The following ARHGAP12 variants were observed in gnomAD, a reference collection of about 807,000 sequenced individuals.
The protein encoded by ARHGAP12 is Rho GTPase activating protein 12.
ARHGAP12 carries 64 observed loss-of-function variants against 108.6 expected under a neutral mutation model. That is an observed-to-expected ratio of 0.59 (90% CI 0.48 to 0.73). ARHGAP12 has a LOEUF of 0.73. Ranked by LOEUF, ARHGAP12 falls within the 30% of genes least tolerant of loss-of-function variation. The pLI is 0.00. For missense variants in ARHGAP12, 940 were observed against 1,005.9 expected (o/e 0.93, Z 0.89); for synonymous variants, 312 against 337.2 (o/e 0.93, Z 0.82).
Position 31,817,844 on chromosome 10 carries a change from T to C in ARHGAP12, c.1675A>G (p.Asn559Asp), listed in dbSNP as rs200249037. The C allele has an allele frequency of 9.3e-6, 15 of 1,612,706 alleles. No homozygotes were observed. The East Asian group carries it at 2.7e-4, about 29-fold the overall frequency. ...AACCAATCATTAATAACAGTGTCAT[T>C]GTCAGACTGAATTAGCAGTTCTGTT... ...QGTELLIQSD[N>D]DTVINDWFKV... Residue 559 changes from asparagine to aspartate, a missense_variant, in exon 13 of 20, where the codon AAT (asparagine) becomes GAT (aspartate). Asn to Asp is a conservative substitution (Grantham distance 23). Transcript: ENST00000344936.
chr10:31,820,885 T>C (rs991341046), intron 11 of ARHGAP12, among the ~76,000 whole-genome samples: 12 of 152,036 alleles, frequency 7.9e-5, no homozygotes, highest in African/African-American at 2.9e-4. Flanking sequence ...GGTAATGCTA[T>C]ATTTGCAAAT....
At chr10:31,890,958 T>A (rs1387647299) in intron 3 of ARHGAP12, among the ~76,000 whole-genome samples, 1 of 152,184 alleles carries the variant, frequency 6.6e-6, no homozygotes, top group African/African-American at 2.4e-5. Context: ...TTTGTAAATA[T>A]ATGTATATAT....
chr10:31,913,838 GT>G (rs1839451845), intron 1 of ARHGAP12: 1 of 150,174 alleles, frequency 6.7e-6, no homozygotes, highest in Non-Finnish European at 1.5e-5. Context: ...TTTTCAAACT[GT>G]ACAGTGTCTT....
At chr10:31,902,905 G>C (rs1838987597) in intron 3 of ARHGAP12, among the ~76,000 whole-genome samples, 1 of 152,074 alleles carries the variant, frequency 6.6e-6, no homozygotes, top group African/African-American at 2.4e-5. Context: ...GAGTAAAGCA[G>C]ATTGCCCTCC....
intron 16 of ARHGAP12, 49 bp from the exon 17 acceptor site, chr10:31,809,356 T>C (rs1834933267): frequency 1.9e-5 from 29 of 1,539,688 alleles, no homozygotes; most frequent in Non-Finnish European, 2.4e-5. Context: ...AGTACTTCTT[T>C]GCCTCTTCTG....
chr10:31,871,367 G>A (rs966773865), intron 3 of ARHGAP12, among the ~76,000 whole-genome samples: 1 of 151,972 alleles, frequency 6.6e-6, no homozygotes, highest in Admixed American at 6.6e-5. Flanking sequence ...TGATTTTCTA[G>A]TTATTGAAAC....
intron 12 of ARHGAP12, 22 bp from the exon 13 acceptor site, chr10:31,817,908 A>T: frequency 6.3e-7 from 1 of 1,582,016 alleles, no homozygotes; most frequent in Non-Finnish European, 8.7e-7. Context: ...AGCAGGGAGA[A>T]AAAAGAGTAT....
chr10:31,906,234 C>A (rs769188798), intron 3 of ARHGAP12, among the ~76,000 whole-genome samples: 1 of 152,170 alleles, frequency 6.6e-6, no homozygotes, highest in Non-Finnish European at 1.5e-5. Flanking sequence ...CGGAATCACC[C>A]AACTAAGCTG....
At chr10:31,828,945 A>C (rs1171420715) in intron 10 of ARHGAP12, among the ~76,000 whole-genome samples, 1 of 152,218 alleles carries the variant, frequency 6.6e-6, no homozygotes, top group Non-Finnish European at 1.5e-5. Context: ...TGAGGTCAGG[A>C]GTTCAAGACC....
At chr10:31,921,763 CAAAAAAAAAA>C (rs57420280) in intron 1 of ARHGAP12, among the ~76,000 whole-genome samples, 25 of 37,928 alleles carry the variant, frequency 6.6e-4, no homozygotes, top group East Asian at 2.1e-3. Context: ...GGCTCCATCT[CAAAAAAAAAA>C]AAAAAAAAAA....
intron 11 of ARHGAP12, among the ~76,000 whole-genome samples, chr10:31,822,103 T>A (rs1008592667): frequency 6.6e-6 from 1 of 151,644 alleles, no homozygotes; most frequent in African/African-American, 2.4e-5. Context: ...GCAATCAGTA[T>A]AGCTGGCAAC....
intron 14 of ARHGAP12, 72 bp downstream of exon 14, chr10:31,814,187 T>A: frequency 8.4e-7 from 1 of 1,197,240 alleles, no homozygotes; most frequent in Non-Finnish European, 1.2e-6. Context: ...CTTTTATATA[T>A]GTATTTAAAA....
chr10:31,881,706 G>A (rs1453252412), intron 3 of ARHGAP12, among the ~76,000 whole-genome samples: 1 of 152,056 alleles, frequency 6.6e-6, no homozygotes, highest in Non-Finnish European at 1.5e-5. Flanking sequence ...CCAAAGTCCA[G>A]ACTATTACTC....
At chr10:31,870,596 C>T (rs1289249089) in intron 3 of ARHGAP12, among the ~76,000 whole-genome samples, 3 of 151,964 alleles carry the variant, frequency 2.0e-5, no homozygotes, top group African/African-American at 7.2e-5. Flanking sequence ...TAACAGAGTA[C>T]AAAAAGCAAA....
Position 31,912,001 on chromosome 10 carries a change from T to C in ARHGAP12, c.-110-1438A>G, listed in dbSNP as rs181082133. On this transcript the variant is annotated intron_variant, in intron 1 of 19. Transcript: ENST00000344936. ...CCAAAATGTATTCCCATCTCTACCCTACCCGAGCTCTGCCAAATATGCTCA... is the reference window on the plus strand; with the variant it reads ...CCAAAATGTATTCCCATCTCTACCCCACCCGAGCTCTGCCAAATATGCTCA... Among the ~76,000 whole-genome samples the C allele has an allele frequency of 5.4e-3, 824 of 152,324 alleles. 3 individuals are homozygous for C. The highest frequency in any genetic ancestry group is 7.6e-3 in the Non-Finnish European group (520 of 68,024).
intron 3 of ARHGAP12, among the ~76,000 whole-genome samples, chr10:31,902,872 T>C (rs1838986368): frequency 6.6e-6 from 1 of 152,122 alleles, no homozygotes; most frequent in Non-Finnish European, 1.5e-5. Context: ...TGGATGAAAT[T>C]AACACTTTTA....
chr10:31,901,252 T>G (rs1362821533), intron 3 of ARHGAP12, among the ~76,000 whole-genome samples: 1 of 144,932 alleles, frequency 6.9e-6, no homozygotes, highest in African/African-American at 2.5e-5. Flanking sequence ...AAGAAACTGG[T>G]TGGACTCAGT....
chr10:31,832,085 A>G (rs766781338), intron 9 of ARHGAP12, among the ~76,000 whole-genome samples: 1 of 152,198 alleles, frequency 6.6e-6, no homozygotes, highest in Non-Finnish European at 1.5e-5. Context: ...ACAAAGCAGC[A>G]CTGAAAAATA....
chr10:31,927,700 C>G (rs1436478050), intron 1 of ARHGAP12, among the ~76,000 whole-genome samples: 1 of 152,190 alleles, frequency 6.6e-6, no homozygotes, highest in African/African-American at 2.4e-5. Flanking sequence ...GTGCTTTAGC[C>G]TTTGAAAATA....
Sources: allele counts gnomAD v4.1 joint callset (sites outside exome capture counted in the v4.1 genomes callset), GRCh38; gene constraint gnomAD v4.1.1; transcripts MANE v1.5; gene names NCBI Gene and HGNC (gene_info 2026-07-23, HGNC 2026-07-21).